TNFAIP6: variants seen among roughly 807,000 people sequenced by gnomAD.
TNFAIP6 encodes the protein tumor necrosis factor-inducible gene 6 protein.
In TNFAIP6, 36 loss-of-function variants were observed where a neutral mutation model predicts 33.7. That is an observed-to-expected ratio of 1.07 (90% CI 0.82 to 1.41). The LOEUF (loss-of-function observed/expected upper bound fraction) is 1.41, where lower values mean the gene tolerates loss of function less well. Among genes scored for constraint, TNFAIP6 ranks in the 40% most tolerant of loss-of-function variants. The probability of loss-of-function intolerance (pLI) is 0.00; values close to 1 mark genes in which losing one functional copy is unlikely to be tolerated. For missense variants in TNFAIP6, 273 were observed against 331.9 expected (o/e 0.82, Z 1.38); for synonymous variants, 113 against 112.8 (o/e 1.00, Z -0.01).
At chr2:151,371,627 ACT>A (rs1343882722) in intron 4 of TNFAIP6, among the ~76,000 whole-genome samples, 1 of 148,226 alleles carries the variant, frequency 6.7e-6, no homozygotes, top group Non-Finnish European at 1.5e-5. Flanking sequence ...ACGGAGTCTC[ACT>A]CTGTCACCAG....
chr2:151,376,869 T>C (rs1469232264), intron 5 of TNFAIP6, among the ~76,000 whole-genome samples: 3 of 147,006 alleles, frequency 2.0e-5, no homozygotes, highest in Non-Finnish European at 3.0e-5. Context: ...TCTTTTCTTT[T>C]TTTTTTTTTT....
At chr2:151,368,384 A>G (rs1483223368) in intron 3 of TNFAIP6, 1 of 147,256 alleles carries the variant, frequency 6.8e-6, no homozygotes, top group Non-Finnish European at 1.5e-5. Flanking sequence ...ATCAAAGCAG[A>G]ACAGGAGCAT....
At chr2:151,372,661 C>A (rs1049193901) in intron 4 of TNFAIP6, among the ~76,000 whole-genome samples, 4 of 152,008 alleles carry the variant, frequency 2.6e-5, no homozygotes, top group African/African-American at 9.7e-5. Flanking sequence ...GGCTTATGCC[C>A]GTAATCCTAG....
chr2:151,363,127 C>T (rs929769940), intron 1 of TNFAIP6, among the ~76,000 whole-genome samples: 1 of 151,232 alleles, frequency 6.6e-6, no homozygotes, highest in Non-Finnish European at 1.5e-5. Flanking sequence ...ACTAGCCTAG[C>T]CAACATGATG....
rs566948911 is a variant in TNFAIP6 at position 151,363,976 on chromosome 2, G to T, written c.128G>T (p.Arg43Leu). The T allele has an allele frequency of 1.2e-6, 2 of 1,614,076 alleles. No homozygotes were observed. Among genetic ancestry groups the T allele is most frequent in the South Asian group, 1.1e-5 (1 of 91,074 alleles). ...RAAGVYHREA[R>L]SGKYKLTYAE... The stretch of plus-strand genomic sequence containing the variant: ...GCCGGTGTGTACCACAGAGAAGCAC[G>T]GTCTGGCAAATACAAGCTCACCTAC... The change falls in exon 2 of 6, where the codon CGG becomes CTG. Residue 43 changes from arginine to leucine, a missense_variant. By Grantham distance (102) the Arg-to-Leu change is moderately radical. Coordinates refer to ENST00000243347, the MANE Select transcript of TNFAIP6 (RefSeq NM_007115.4).
In TNFAIP6 at chr2:151,363,492, CT is replaced by C. The variant is rs1276838794; in HGVS notation, c.95-448del. On this transcript the variant is annotated intron_variant, in intron 1 of 5. Coordinates refer to ENST00000243347, the MANE Select transcript of TNFAIP6 (RefSeq NM_007115.4). ...CTAACACGGTGAAACCCTGTCGCTA[CT>C]TTAAAAAAAAAAAAAAAAATTAGCC... Among the ~76,000 whole-genome samples the C allele has an allele frequency of 2.1e-4, 6 of 28,756 alleles. No homozygotes were observed. The East Asian group carries it at 6.2e-3, about 30-fold the overall frequency. 18.9% of individuals were successfully genotyped at this position (28,756 alleles called of 152,430 possible). A position where few individuals can be genotyped will look rare whatever the true frequency, so the allele number is the denominator to read the frequency against.
chr2:151,370,943 C>T (rs1450519164), intron 4 of TNFAIP6, among the ~76,000 whole-genome samples: 2 of 151,816 alleles, frequency 1.3e-5, no homozygotes, highest in African/African-American at 4.8e-5. Context: ...TGGTGGCAGG[C>T]GCCTGTAATC....
At chr2:151,367,239 C>G (rs549444940) in intron 3 of TNFAIP6, among the ~76,000 whole-genome samples, 4 of 152,062 alleles carry the variant, frequency 2.6e-5, no homozygotes, top group Non-Finnish European at 5.9e-5. Flanking sequence ...ACAGCTACAA[C>G]TAGTCTTAAC....
rs200672368 is a variant in TNFAIP6 at position 151,361,096 on chromosome 2, G to C, written c.95-2847G>C. On this transcript the variant is annotated intron_variant, in intron 1 of 5. Transcript: ENST00000243347. ...TTGGTTTGGTTTTTTTGTTTTTTGA[G>C]ATGGAGTCTCACTCTGTCGCCCAGG... 5.3e-5 allele frequency among the ~76,000 whole-genome samples: 8 copies of C among 152,006 alleles called. No individual in the cohort carries two copies. In the East Asian group the frequency reaches 1.5e-3, roughly 29 times the overall value.
chr2:151,358,356 C>G (rs372549222), intron 1 of TNFAIP6, among the ~76,000 whole-genome samples: 7 of 152,128 alleles, frequency 4.6e-5, no homozygotes, highest in African/African-American at 1.7e-4. Flanking sequence ...CTTTTCTGAC[C>G]CTTTTGTTAG....
chr2:151,373,590 G>T lies in TNFAIP6; in HGVS notation c.664+1G>T. ...CTTCCAGATGACATCATCAGTACAG[G>T]TAAGGTTTTAAATTGAGGACCAAAA... On this transcript the variant is annotated splice_donor_variant, in intron 5 of 5. Transcript: ENST00000243347. LOFTEE classifies it high-confidence loss of function. The T allele has an allele frequency of 6.5e-7, 1 of 1,533,778 alleles. No homozygotes were observed. The highest frequency in any genetic ancestry group is 8.8e-7 in the Non-Finnish European group (1 of 1,134,270).
intron 3 of TNFAIP6, among the ~76,000 whole-genome samples, chr2:151,368,733 GTC>G (rs1050893427): frequency 1.3e-5 from 2 of 151,988 alleles, no homozygotes; most frequent in African/African-American, 4.8e-5. Flanking sequence ...TGACTTTAAA[GTC>G]TCTTGCGATC....
chr2:151,381,117 GTGACCTTC>G (rs1327101879), downstream of TNFAIP6, among the ~76,000 whole-genome samples: 2 of 152,094 alleles, frequency 1.3e-5, no homozygotes, highest in Non-Finnish European at 2.9e-5. Flanking sequence ...CAAGATCTCT[GTGACCTTC>G]TCCTTCCATC....
In TNFAIP6 at chr2:151,379,217, C is replaced by T. The variant is rs928934582; in HGVS notation, c.665-147C>T. 1.1e-5 allele frequency: 8 copies of T among 710,108 alleles called. No homozygotes were observed. In the African/African-American group the frequency reaches 1.3e-4, roughly 12 times the overall value. 44.0% of individuals were successfully genotyped at this position (710,108 alleles called of 1,614,324 possible). A position where few individuals can be genotyped will look rare whatever the true frequency, so the allele number is the denominator to read the frequency against. On this transcript the variant is annotated intron_variant, in intron 5 of 5. Transcript: ENST00000243347. The stretch of plus-strand genomic sequence containing the variant: ...TTCCATGCGGCAATGAAACCACAGA[C>T]TCTTCAGCTTGAGAATCGACCTCTG...
chr2:151,361,518 C>A (rs1017492406), intron 1 of TNFAIP6, among the ~76,000 whole-genome samples: 2 of 152,076 alleles, frequency 1.3e-5, no homozygotes, highest in Non-Finnish European at 1.5e-5. Context: ...AATCTGTATT[C>A]TTAGGAAATA....
At chr2:151,369,964 G>A (rs1344616447) in intron 3 of TNFAIP6, 56 bp from the exon 4 acceptor site, 1 of 1,307,850 alleles carries the variant, frequency 7.6e-7, no homozygotes, top group Non-Finnish European at 1.1e-6. Flanking sequence ...TTTTAACAGG[G>A]ATAATGTTTT....
intron 1 of TNFAIP6, among the ~76,000 whole-genome samples, chr2:151,359,273 A>G (rs1011975602): frequency 2.0e-5 from 3 of 152,190 alleles, no homozygotes; most frequent in Non-Finnish European, 4.4e-5. Context: ...GTTGGATTAG[A>G]AGGGATACAT....
At chr2:151,374,641 G>A (rs1279670456) in intron 5 of TNFAIP6, among the ~76,000 whole-genome samples, 1 of 152,152 alleles carries the variant, frequency 6.6e-6, no homozygotes, top group Non-Finnish European at 1.5e-5. Context: ...AATGATTAAT[G>A]CTTAAACCTT....
At chr2:151,377,589 C>CA (rs543581826) in intron 5 of TNFAIP6, among the ~76,000 whole-genome samples, 16 of 151,412 alleles carry the variant, frequency 1.1e-4, no homozygotes, top group Admixed American at 5.3e-4. Flanking sequence ...AATAGAAGAG[C>CA]AAAAAAGTAT....
Sources: gnomAD v4.1 joint callset for allele counts (sites outside exome capture counted in the v4.1 genomes callset) on GRCh38, gnomAD v4.1.1 for gene constraint, MANE v1.5 for transcripts, NCBI Gene and HGNC (gene_info 2026-07-23, HGNC 2026-07-21) for gene names.